TOPBP1: variants seen among roughly 807,000 people sequenced by gnomAD.
TOPBP1 encodes DNA topoisomerase II binding protein 1, also known as DNA topoisomerase 2-binding protein 1.
Under a neutral mutation model 167.7 loss-of-function variants are expected in TOPBP1, and 28 were observed. The ratio of observed to expected loss-of-function variants is 0.17; its 90% CI spans 0.12 to 0.23. The LOEUF (loss-of-function observed/expected upper bound fraction) is 0.23. Among genes scored for constraint, TOPBP1 ranks in the 10% least tolerant of loss-of-function variants. TOPBP1 has a pLI of 1.00. For missense variants in TOPBP1, 1,554 were observed against 1,809.6 expected (o/e 0.86, Z 2.56); for synonymous variants, 598 against 611.4 (o/e 0.98, Z 0.32).
Position 133,616,880 on chromosome 3 carries a change from T to C in TOPBP1, c.3805A>G (p.Ile1269Val). 6.4e-7 allele frequency: 1 copy of C among 1,554,668 alleles called. No homozygotes were observed. The highest frequency in any genetic ancestry group is 8.7e-7 in the Non-Finnish European group (1 of 1,152,894). ...ETHEELKKQY[I>V]FQLSSLNPQE... ...GGATTCAGAGATGATAACTGAAATA[T>C]GTACTGTTTTTTTAATTCTTCATGA... Residue 1269 changes from isoleucine (I) to valine (V), a missense_variant, in exon 23 of 28, where the codon ATA (isoleucine) becomes GTA (valine). This residue lies in a region of TOPBP1 where 351 missense variants were observed against 432.9 expected (regional missense o/e 0.81). Transcript: ENST00000260810.
At position 133,608,501 on chromosome 3, in the gene TOPBP1, G is replaced by A. The variant is rs1934566555; in HGVS notation, c.4425+34C>T. The A allele has an allele frequency of 1.9e-6, 3 of 1,608,430 alleles. No individual in the cohort carries two copies. The African/African-American group carries it at 4.0e-5, about 22-fold the overall frequency. ...ATCTATGCACATAAACGTATCTCTG[G>A]TAATGAGGAGGTCAAGGATAGAATC... On this transcript the variant is annotated intron_variant, in intron 27 of 27. Coordinates refer to ENST00000260810, the MANE Select transcript of TOPBP1 (RefSeq NM_007027.4).
intron 25 of TOPBP1, among the ~76,000 whole-genome samples, chr3:133,610,636 T>TAAA (rs55877229): frequency 7.4e-5 from 10 of 135,394 alleles, no homozygotes; most frequent in Admixed American, 3.0e-4. Context: ...GATTAAAATT[T>TAAA]AAAAAAAAAA....
intron 14 of TOPBP1, among the ~76,000 whole-genome samples, chr3:133,636,555 G>C (rs1935684058): frequency 6.6e-6 from 1 of 152,072 alleles, no homozygotes; most frequent in Non-Finnish European, 1.5e-5. Context: ...TCTTTAATGT[G>C]TTTTTTGTAT....
At chr3:133,612,670 C>A in intron 23 of TOPBP1, 118 bp from the exon 24 acceptor site, 2 of 872,602 alleles carry the variant, frequency 2.3e-6, no homozygotes, top group Non-Finnish European at 3.2e-6. Context: ...CCATTTAAAC[C>A]AAAAAAACTT....
At chr3:133,604,877 C>T (rs1371859995) in intron 27 of TOPBP1, among the ~76,000 whole-genome samples, 1 of 151,592 alleles carries the variant, frequency 6.6e-6, no homozygotes, top group East Asian at 1.9e-4. Context: ...TGATATTGCC[C>T]CACTGCACTC....
chr3:133,659,278 G>T, intron 2 of TOPBP1, 128 bp from the exon 3 acceptor site: 2 of 915,300 alleles, frequency 2.2e-6, no homozygotes, highest in Non-Finnish European at 3.2e-6. Context: ...TTAGACCTCT[G>T]CAGAAGGCTC....
intron 25 of TOPBP1, 101 bp downstream of exon 25, chr3:133,610,903 A>T: frequency 7.6e-7 from 1 of 1,316,102 alleles, no homozygotes; most frequent in Non-Finnish European, 1.0e-6. Context: ...AAAGACAAGT[A>T]GAATCATTAT....
chr3:133,641,029 T>C (rs938036921), intron 12 of TOPBP1, among the ~76,000 whole-genome samples: 14 of 152,228 alleles, frequency 9.2e-5, no homozygotes, highest in African/African-American at 2.9e-4. Flanking sequence ...CTGGGTTTTA[T>C]GTTCTAGTTC....
At chr3:133,657,265 G>A (rs1353724112) in intron 4 of TOPBP1, among the ~76,000 whole-genome samples, 3 of 151,624 alleles carry the variant, frequency 2.0e-5, no homozygotes, top group Non-Finnish European at 4.4e-5. Flanking sequence ...GATTACTTGA[G>A]CCCAGGAAAT....
chr3:133,661,050 A>G lies in TOPBP1; in HGVS notation c.78T>C (p.Ala26=). 6.3e-7 allele frequency: 1 copy of G among 1,584,380 alleles called. No individual in the cohort carries two copies. The highest frequency in any genetic ancestry group is 1.7e-4 in the Middle Eastern group (1 of 5,840). ...SSDNSKCFFK[A]LESIKEFQSE... ...AGATGTTTTCAACTCTTACCTCGAG[A>G]GCTTTAAAAAAACATTTGGAATTGT... Residue 26 remains alanine, a synonymous_variant, in exon 2 of 28, where the codon GCT becomes GCC. Transcript: ENST00000260810.
chr3:133,646,320 C>T (rs892057994), intron 10 of TOPBP1, among the ~76,000 whole-genome samples: 49 of 152,074 alleles, frequency 3.2e-4, no homozygotes, highest in Middle Eastern at 3.4e-3. Context: ...AACTAATCAC[C>T]TGCCCTACAC....
At chr3:133,645,524 A>G (rs1488493504) in intron 10 of TOPBP1, among the ~76,000 whole-genome samples, 2 of 152,230 alleles carry the variant, frequency 1.3e-5, no homozygotes, top group East Asian at 1.9e-4. Context: ...AGTTTGTTTT[A>G]TAAGTAAAAA....
At chr3:133,660,290 C>T (rs1388876348) in intron 2 of TOPBP1, among the ~76,000 whole-genome samples, 3 of 152,164 alleles carry the variant, frequency 2.0e-5, no homozygotes, top group East Asian at 1.9e-4. Context: ...AACCCCTTAA[C>T]GTGTTTTGCT....
chr3:133,622,574 T>TA, intron 19 of TOPBP1, among the ~76,000 whole-genome samples: 1 of 152,122 alleles, frequency 6.6e-6, no homozygotes. Context: ...GAAGGATACA[T>TA]AAGGAACTAA....
chr3:133,641,220 T>C (rs1935880594), intron 12 of TOPBP1, among the ~76,000 whole-genome samples: 1 of 152,216 alleles, frequency 6.6e-6, no homozygotes, highest in Non-Finnish European at 1.5e-5. Context: ...GAATAAGCCA[T>C]GTCTTCCTTA....
chr3:133,619,525 A>C lies in TOPBP1; in HGVS notation c.3371+630T>G, dbSNP rs990743306. 1.6e-4 allele frequency among the ~76,000 whole-genome samples: 24 copies of C among 152,204 alleles called. 3 individuals carry two copies. The highest frequency in any genetic ancestry group is 1.5e-3 in the Admixed American group (23 of 15,284). Reference sequence around the variant, plus strand: ...TAAGTCACATCACACTAGAAACTGTAATCACCTTTTCTAGAAGATAAATTT... The same window carrying C: ...TAAGTCACATCACACTAGAAACTGTCATCACCTTTTCTAGAAGATAAATTT... On this transcript the variant is annotated intron_variant, in intron 20 of 27. Coordinates refer to ENST00000260810, the MANE Select transcript of TOPBP1 (RefSeq NM_007027.4).
chr3:133,645,480 G>A (rs768771766), intron 10 of TOPBP1, among the ~76,000 whole-genome samples: 6 of 152,058 alleles, frequency 3.9e-5, no homozygotes, highest in Non-Finnish European at 8.8e-5. Flanking sequence ...AAAACATTCC[G>A]GAAAGTTTTT....
Position 133,653,541 on chromosome 3 carries a change from G to C in TOPBP1, c.743-17C>G. ...ACTTCTGACCTGTGGCGTTCATTAA[G>C]AAAGAAATAGAGAAAATAGGAGAAA... On this transcript the variant is annotated splice_polypyrimidine_tract_variant and intron_variant, in intron 6 of 27. Transcript: ENST00000260810. 1 of 1,502,176 alleles carries C rather than the reference G, an allele frequency of 6.7e-7. No individual in the cohort carries two copies. The highest frequency in any genetic ancestry group is 8.9e-7 in the Non-Finnish European group (1 of 1,128,948). The allele number at this position is 1,502,176 out of a possible 1,614,324, so 93.1% of individuals were successfully genotyped here.
At chr3:133,622,338 G>C (rs1227143544) in intron 19 of TOPBP1, among the ~76,000 whole-genome samples, 3 of 151,768 alleles carry the variant, frequency 2.0e-5, no homozygotes, top group African/African-American at 7.3e-5. Flanking sequence ...TTACAGGCAT[G>C]CAACCACCAT....
Sources: allele counts gnomAD v4.1 joint callset (sites outside exome capture counted in the v4.1 genomes callset), GRCh38; gene constraint gnomAD v4.1.1; regional missense constraint gnomAD v4.1.1; transcripts MANE v1.5; gene names NCBI Gene and HGNC (gene_info 2026-07-23, HGNC 2026-07-21).